RIMS1: variants seen among roughly 807,000 people sequenced by gnomAD.
RIMS1 encodes the protein regulating synaptic membrane exocytosis 1, also known as regulating synaptic membrane exocytosis protein 1.
Under a neutral mutation model 214.1 loss-of-function variants are expected in RIMS1, and 83 were observed. The observed-to-expected ratio is 0.39, with a 90% CI of 0.32 to 0.47. The LOEUF (loss-of-function observed/expected upper bound fraction) is 0.47, where lower values mean the gene tolerates loss of function less well. Among genes scored for constraint, RIMS1 ranks in the 20% least tolerant of loss-of-function variants. The pLI is 0.99. For missense variants in RIMS1, 2,050 were observed against 2,161.8 expected (o/e 0.95, Z 1.03); for synonymous variants, 793 against 786.8 (o/e 1.01, Z -0.13).
chr6:72,059,391 C>A (rs924399880), intron 2 of RIMS1, among the ~76,000 whole-genome samples: 1 of 152,080 alleles, frequency 6.6e-6, no homozygotes, highest in Admixed American at 6.6e-5. Flanking sequence ...CCACACCCTG[C>A]TAATTTTTTA....
intron 2 of RIMS1, among the ~76,000 whole-genome samples, chr6:72,094,429 T>C (rs918685805): frequency 2.0e-5 from 3 of 152,192 alleles, no homozygotes; most frequent in Non-Finnish European, 4.4e-5. Context: ...ACAGGTTCCC[T>C]TTTGATTGCA....
intron 1 of RIMS1, among the ~76,000 whole-genome samples, chr6:71,950,068 A>G (rs1788986965): frequency 6.6e-6 from 1 of 152,206 alleles, no homozygotes; most frequent in Non-Finnish European, 1.5e-5. Flanking sequence ...AAATGCAAAT[A>G]AATCTCAAAA....
chr6:72,172,726 CT>C (rs1324703403), intron 4 of RIMS1, among the ~76,000 whole-genome samples: 2 of 152,144 alleles, frequency 1.3e-5, no homozygotes, highest in Non-Finnish European at 2.9e-5. Flanking sequence ...TGGGTCCTCC[CT>C]TTAGCTAAAT....
chr6:72,059,600 C>A (rs887227654), intron 2 of RIMS1, among the ~76,000 whole-genome samples: 13 of 151,776 alleles, frequency 8.6e-5, no homozygotes, highest in Admixed American at 6.6e-5. Flanking sequence ...TATTAAAATT[C>A]AATTTATTGA....
At chr6:72,242,876 CTG>C (rs1466070129) in intron 10 of RIMS1, among the ~76,000 whole-genome samples, 34 of 151,856 alleles carry the variant, frequency 2.2e-4, no homozygotes, top group African/African-American at 7.7e-4. Context: ...AATATTTTTT[CTG>C]TCTCTTTAAC....
At chr6:72,079,877 C>CT in intron 2 of RIMS1, among the ~76,000 whole-genome samples, 1 of 151,506 alleles carries the variant, frequency 6.6e-6, no homozygotes, top group Non-Finnish European at 1.5e-5. Flanking sequence ...GACAGAGACT[C>CT]TGTCTCAAAA....
At chr6:71,948,257 C>G (rs1243510599) in intron 1 of RIMS1, among the ~76,000 whole-genome samples, 2 of 152,172 alleles carry the variant, frequency 1.3e-5, no homozygotes, top group East Asian at 1.9e-4. Flanking sequence ...TGTTGTTCAT[C>G]AGATATTTTT....
intron 1 of RIMS1, among the ~76,000 whole-genome samples, chr6:71,931,537 G>A (rs1383864120): frequency 6.6e-6 from 1 of 151,850 alleles, no homozygotes; most frequent in Non-Finnish European, 1.5e-5. Flanking sequence ...TCTTTTAAGA[G>A]ACAAGGTCTT....
chr6:72,080,245 C>G (rs1056556316), intron 2 of RIMS1, among the ~76,000 whole-genome samples: 2 of 152,016 alleles, frequency 1.3e-5, no homozygotes, highest in African/African-American at 4.8e-5. Context: ...GCCTGGGCAA[C>G]ACAGCGCGAC....
At chr6:72,260,842 C>T (rs538396433) in intron 19 of RIMS1, 75 bp downstream of exon 19, 1 of 1,573,118 alleles carries the variant, frequency 6.4e-7, no homozygotes, top group African/African-American at 1.3e-5. Context: ...CCGTCTCTCC[C>T]TTAGTGGTAT....
At position 72,333,855 on chromosome 6, in the gene RIMS1, C is replaced by T. The variant is rs1177300958; in HGVS notation, c.4366+20C>T. On this transcript the variant is annotated intron_variant, in intron 29 of 33. Transcript: ENST00000521978. ...AAACAGGTGAGTGATGTGAATTCAA[C>T]CTAAACAACTCAATTCTTTTATGGA... is the stretch of plus-strand genomic sequence containing the variant. The T allele has an allele frequency of 6.7e-7, 1 of 1,500,584 alleles. No individual in the cohort carries two copies. Among genetic ancestry groups the T allele is most frequent in the East Asian group, 2.4e-5 (1 of 41,076 alleles). The allele number at this position is 1,500,584 out of a possible 1,614,324, so 93.0% of individuals were successfully genotyped here.
rs547631762 is a variant in RIMS1, at chr6:72,288,377, C to A, written c.3555-2302C>A. ...ATACATGCATGCCTGCATATGCGCA[C>A]AAACACTTTCAGTTCTTGGCATGAA... is the stretch of plus-strand genomic sequence containing the variant. On this transcript the variant is annotated intron_variant, in intron 24 of 33. Transcript: ENST00000521978. Among the ~76,000 whole-genome samples, 6 of 152,272 alleles carry A rather than the reference C, an allele frequency of 3.9e-5. No individual in the cohort carries two copies. The South Asian group carries it at 1.2e-3, about 32-fold the overall frequency.
chr6:72,381,443 A>G (rs2098485361), intron 29 of RIMS1, among the ~76,000 whole-genome samples: 1 of 152,262 alleles, frequency 6.6e-6, no homozygotes, highest in African/African-American at 2.4e-5. Flanking sequence ...CTGTGAAATC[A>G]AACAATTTAC....
intron 6 of RIMS1, among the ~76,000 whole-genome samples, chr6:72,184,204 C>G (rs1210477860): frequency 6.6e-6 from 1 of 152,036 alleles, no homozygotes; most frequent in Non-Finnish European, 1.5e-5. Flanking sequence ...ACCATGAGAC[C>G]CATACAGAGT....
At chr6:72,155,074 G>A (rs777955278) in intron 4 of RIMS1, among the ~76,000 whole-genome samples, 2 of 140,036 alleles carry the variant, frequency 1.4e-5, no homozygotes, top group Non-Finnish European at 3.2e-5. Flanking sequence ...GAATCTTGCT[G>A]CTGACACTAA....
At chr6:71,898,981 C>A (rs939720982) in intron 1 of RIMS1, among the ~76,000 whole-genome samples, 1 of 152,012 alleles carries the variant, frequency 6.6e-6, no homozygotes, top group African/African-American at 2.4e-5. Flanking sequence ...TTATAGAAAA[C>A]TCCATGAGAA....
chr6:71,931,473 T>C (rs1783016546), intron 1 of RIMS1, among the ~76,000 whole-genome samples: 1 of 152,086 alleles, frequency 6.6e-6, no homozygotes, highest in Non-Finnish European at 1.5e-5. Flanking sequence ...GTGAGTGTCA[T>C]TCAAGGAAAG....
At chr6:72,219,363 A>G (rs1589402090) in intron 6 of RIMS1, among the ~76,000 whole-genome samples, 1 of 152,140 alleles carries the variant, frequency 6.6e-6, no homozygotes, top group Non-Finnish European at 1.5e-5. Flanking sequence ...ACGTAGGCCA[A>G]TCTTTTGTCT....
At chr6:72,189,314 G>A (rs2049666782) in intron 6 of RIMS1, among the ~76,000 whole-genome samples, 1 of 152,190 alleles carries the variant, frequency 6.6e-6, no homozygotes, top group Admixed American at 6.5e-5. Flanking sequence ...AGCTGCTTCA[G>A]GATGATGGGG....
Sources: allele counts gnomAD v4.1 joint callset (sites outside exome capture counted in the v4.1 genomes callset), GRCh38; gene constraint gnomAD v4.1.1; transcripts MANE v1.5; gene names NCBI Gene and HGNC (gene_info 2026-07-23, HGNC 2026-07-21).